Variants in CCDC187 observed in about 807,000 individuals in gnomAD.
The protein encoded by CCDC187 is coiled-coil domain-containing protein 187.
A neutral mutation model predicts 38.0 loss-of-function variants in CCDC187; 32 were observed. The ratio of observed to expected loss-of-function variants is 0.84; its 90% CI spans 0.64 to 1.13. CCDC187 has a LOEUF of 1.13. CCDC187 is among the 50% of genes most tolerant of loss of function. The pLI, the probability that CCDC187 is intolerant of heterozygous loss-of-function variation, is 0.00. For missense variants in CCDC187, 707 were observed against 786.8 expected, an observed-to-expected ratio of 0.90 and a Z score of 1.21; for synonymous variants, 333 against 347.9, an observed-to-expected ratio of 0.96 and a Z score of 0.48.
intron 19 of CCDC187, among the ~76,000 whole-genome samples, chr9:136,261,291 C>T (rs1008880329): frequency 4.6e-5 from 7 of 152,196 alleles, no homozygotes; most frequent in African/African-American, 1.7e-4. Flanking sequence ...ACACCGCAGG[C>T]GAGCTTCTCG....
At position 136,289,872 on chromosome 9, in the gene CCDC187, C is replaced by T. The variant is rs930393829; in HGVS notation, c.2222+87G>A. On this transcript the variant is annotated intron_variant, in intron 7 of 25. Coordinates refer to ENST00000638797, the MANE Select transcript of CCDC187 (RefSeq NM_001378188.1). The stretch of plus-strand genomic sequence containing the variant: ...GCCTCTCGGTCATGAGGCAATGTCA[C>T]GAGGGCCCCAGAACGCACCCAGAAC... The T allele has an allele frequency of 5.6e-5, 22 of 395,300 alleles. 1 individual carries two copies. The highest frequency in any genetic ancestry group is 6.3e-4 in the Middle Eastern group (1 of 1,596). 24.5% of individuals were successfully genotyped at this position (395,300 alleles called of 1,614,324 possible). A position where few individuals can be genotyped will look rare whatever the true frequency, so the allele number is the denominator to read the frequency against.
chr9:136,266,607 G>A (rs1379831074), intron 16 of CCDC187: 1 of 152,246 alleles, frequency 6.6e-6, no homozygotes, highest in Non-Finnish European at 1.5e-5. Flanking sequence ...TAGAGGCCCG[G>A]AGATCCGGGA....
At chr9:136,282,579 T>C (rs1831071203) in intron 9 of CCDC187, among the ~76,000 whole-genome samples, 1 of 152,180 alleles carries the variant, frequency 6.6e-6, no homozygotes. Flanking sequence ...TGCTTCCTGG[T>C]ACACAGTGAC....
intron 2 of CCDC187, 74 bp downstream of exon 2, chr9:136,302,738 C>T (rs1831715502): frequency 1.5e-5 from 6 of 398,806 alleles, no homozygotes; most frequent in African/African-American, 4.1e-5. Flanking sequence ...CAGCACAGCC[C>T]GATCCTGCCC....
chr9:136,273,372 A>G (rs1314510058), intron 14 of CCDC187, among the ~76,000 whole-genome samples: 2 of 152,248 alleles, frequency 1.3e-5, no homozygotes, highest in Non-Finnish European at 2.9e-5. Flanking sequence ...GAGGGGCTGT[A>G]TTAATATCAG....
chr9:136,300,654 A>C (rs1221329120), intron 2 of CCDC187, among the ~76,000 whole-genome samples: 426 of 151,396 alleles, frequency 2.8e-3, no homozygotes, highest in African/African-American at 9.4e-3. Context: ...CTGGAGTGCC[A>C]TGGTGTGATC....
At position 136,250,646 on chromosome 9, in the gene CCDC187, A is replaced by AT. The variant is rs1475879629; in HGVS notation, c.*2947dup. ...CAAAGTTTGTTCTGAAATTGGGAGCATGGAGCAGGAACACATTCCCCACTG... is the reference window on the plus strand; with the variant it reads ...CAAAGTTTGTTCTGAAATTGGGAGCATTGGAGCAGGAACACATTCCCCACTG... On this transcript the variant is annotated 3_prime_UTR_variant, in exon 26 of 26. Transcript: ENST00000638797. 7.1e-6 allele frequency: 3 copies of AT among 423,386 alleles called. No homozygotes were observed. In the East Asian group the frequency reaches 2.2e-4, roughly 31 times the overall value. The allele number at this position is 423,386 out of a possible 1,614,324, so 26.2% of individuals were successfully genotyped here. A position where few individuals can be genotyped will look rare whatever the true frequency, so the allele number is the denominator to read the frequency against.
At chr9:136,285,739 C>G in intron 8 of CCDC187, 133 bp from the exon 9 acceptor site, 1 of 397,510 alleles carries the variant, frequency 2.5e-6, no homozygotes, top group Non-Finnish European at 4.4e-6. Flanking sequence ...CTCCCTGGCC[C>G]TCAGGCCTCT....
chr9:136,264,605 G>A lies in CCDC187; in HGVS notation c.3736-807C>T, dbSNP rs782429314. On this transcript the variant is annotated intron_variant, in intron 17 of 25. Coordinates refer to ENST00000638797, the MANE Select transcript of CCDC187 (RefSeq NM_001378188.1). The surrounding 1 kb of genome is among the most constrained non-coding windows in gnomAD (Gnocchi z 4.3). ...GTCTCCGCCCCCAGCTCCCTTGCCT[G>A]TAATGCCCCATGCCTGACACCCCAG... Among the ~76,000 whole-genome samples, 2 of 152,170 alleles carry A rather than the reference G, an allele frequency of 1.3e-5. No individual in the cohort carries two copies. The highest frequency in any genetic ancestry group is 6.5e-5 in the Admixed American group (1 of 15,286).
chr9:136,285,555 C>T lies in CCDC187; in HGVS notation c.2885G>A (p.Arg962Lys), dbSNP rs934745156. 15 of 402,056 alleles carry T rather than the reference C, an allele frequency of 3.7e-5. 2 individuals carry two copies. In the South Asian group the frequency reaches 1.5e-3, roughly 41 times the overall value. 24.9% of individuals were successfully genotyped at this position (402,056 alleles called of 1,614,324 possible). The change falls in exon 9 of 26, where the codon AGA becomes AAA. Residue 962 changes from arginine to lysine, a missense_variant. Transcript: ENST00000638797. ...VDVKPDKRLQ[R>K]GVAPFQALSP... Reference sequence around the variant, plus strand: ...GAGGGCCTGGAAGGGGGCCACGCCTCTCTGCAGCCTTTTGTCTGGTTTCAC... The same window carrying T: ...GAGGGCCTGGAAGGGGGCCACGCCTTTCTGCAGCCTTTTGTCTGGTTTCAC...
chr9:136,251,888 CCG>C lies in CCDC187; in HGVS notation c.*1704_*1705del. The C allele has an allele frequency of 2.8e-5, 4 of 143,292 alleles. No individual in the cohort carries two copies. Among genetic ancestry groups the C allele is most frequent in the East Asian group, 2.1e-4 (1 of 4,676 alleles). The allele number at this position is 143,292 out of a possible 1,614,324, so 8.9% of individuals were successfully genotyped here. ...GTCCACCCCGGGAAGGTCCAGGCGA[CCG>C]TCCCGCGGAGCCGGCCGCCCACCTG... On this transcript the variant is annotated 3_prime_UTR_variant, in exon 26 of 26. Transcript: ENST00000638797.
rs1830712924 is a variant in CCDC187, at chr9:136,264,141, T to C, written c.3736-343A>G. The stretch of plus-strand genomic sequence containing the variant: ...CACCCCGTCACTCCTTTACAACTGT[T>C]CTTTCTGTTCCCCACAGCGTCCCTG... On this transcript the variant is annotated intron_variant, in intron 17 of 25. Coordinates refer to ENST00000638797, the MANE Select transcript of CCDC187 (RefSeq NM_001378188.1). This position sits in a 1 kb window ranked among gnomAD's most constrained non-coding sequence, Gnocchi z 4.3. 1 of 152,490 alleles carries C rather than the reference T, an allele frequency of 6.6e-6. No individual in the cohort carries two copies. 9.4% of individuals were successfully genotyped at this position (152,490 alleles called of 1,614,324 possible). A position where few individuals can be genotyped will look rare whatever the true frequency, so the allele number is the denominator to read the frequency against.
rs890609385 is a variant in CCDC187 at position 136,257,202 on chromosome 9, G to A, written c.4367-361C>T. Among the ~76,000 whole-genome samples the A allele has an allele frequency of 1.3e-4, 20 of 151,998 alleles. No homozygotes were observed. The highest frequency in any genetic ancestry group is 1.8e-4 in the Non-Finnish European group (12 of 67,986). ...AGCCTGGCCAATGTAGTGAAACCCC[G>A]TCTCTACTAAAAATACAAAAATTAG... On this transcript the variant is annotated intron_variant, in intron 22 of 25. Transcript: ENST00000638797. The surrounding 1 kb of genome is among the most constrained non-coding windows in gnomAD (Gnocchi z 4.5).
chr9:136,293,811 C>T (rs971090856), intron 4 of CCDC187, among the ~76,000 whole-genome samples: 4 of 152,002 alleles, frequency 2.6e-5, no homozygotes, highest in Admixed American at 2.0e-4. Context: ...CACAGACACA[C>T]ATGCTCTCAC....
chr9:136,299,161 C>T (rs908935585), intron 3 of CCDC187, among the ~76,000 whole-genome samples: 1,996 of 152,236 alleles, frequency 0.013, 97 homozygotes, highest in East Asian at 0.11. Flanking sequence ...AGGGCTCAGG[C>T]GGAACCGGAT....
chr9:136,283,463 G>A (rs1831095540), intron 9 of CCDC187, among the ~76,000 whole-genome samples: 1 of 152,246 alleles, frequency 6.6e-6, no homozygotes, highest in African/African-American at 2.4e-5. Context: ...AGCGGCGGAA[G>A]CCTTGGCAGG....
intron 9 of CCDC187, among the ~76,000 whole-genome samples, chr9:136,283,413 G>A (rs1414741025): frequency 6.6e-6 from 1 of 152,248 alleles, no homozygotes; most frequent in Non-Finnish European, 1.5e-5. Flanking sequence ...AGTGGTGAGT[G>A]GCAACGGACA....
intron 4 of CCDC187, among the ~76,000 whole-genome samples, chr9:136,293,680 G>T (rs1048644513): frequency 7.0e-6 from 1 of 142,202 alleles, no homozygotes; most frequent in African/African-American, 2.6e-5. Context: ...GCATGCCCTC[G>T]CACGTGCTGT....
Position 136,250,905 on chromosome 9 carries a change from C to T in CCDC187, c.*2689G>A, listed in dbSNP as rs1554759265. On this transcript the variant is annotated 3_prime_UTR_variant, in exon 26 of 26. Coordinates refer to ENST00000638797, the MANE Select transcript of CCDC187 (RefSeq NM_001378188.1). ...GGGGCTCTTGCCTCACGGCAGGGGG[C>T]CCAAAGAGGTTCTAAGGGGCCTGGG... is the stretch of plus-strand genomic sequence containing the variant. The T allele has an allele frequency of 2.2e-6, 1 of 451,106 alleles. No individual in the cohort carries two copies. Among genetic ancestry groups the T allele is most frequent in the Non-Finnish European group, 4.5e-6 (1 of 223,070 alleles). The allele number at this position is 451,106 out of a possible 1,614,324, so 27.9% of individuals were successfully genotyped here. A position where few individuals can be genotyped will look rare whatever the true frequency, so the allele number is the denominator to read the frequency against.
Sources: gnomAD v4.1 joint callset for allele counts (sites outside exome capture counted in the v4.1 genomes callset) on GRCh38, gnomAD v4.1.1 for gene constraint, Gnocchi (gnomAD v3.1) non-coding constraint, MANE v1.5 for transcripts, NCBI Gene and HGNC (gene_info 2026-07-23, HGNC 2026-07-21) for gene names.